Variants in SVOP observed in about 807,000 individuals in gnomAD.
SVOP encodes the protein synaptic vesicle 2-related protein.
A neutral mutation model predicts 69.1 loss-of-function variants in SVOP; 17 were observed. The observed-to-expected ratio is 0.25, with a 90% CI of 0.17 to 0.37. The LOEUF (loss-of-function observed/expected upper bound fraction) is 0.37. Among genes scored for constraint, SVOP ranks in the 10% least tolerant of loss-of-function variants. The pLI is 1.00. For missense variants in SVOP, 435 were observed against 597.5 expected (o/e 0.73, Z 2.84); for synonymous variants, 238 against 238.6 (o/e 1.00, Z 0.02).
chr12:108,925,774 T>C (rs2039776610), intron 11 of SVOP, among the ~76,000 whole-genome samples: 1 of 152,126 alleles, frequency 6.6e-6, no homozygotes, highest in Admixed American at 6.5e-5. Context: ...TGATCTCTCT[T>C]CCTGAATTGC....
At chr12:109,018,327 A>G (rs2040379501) in intron 1 of SVOP, among the ~76,000 whole-genome samples, 1 of 152,160 alleles carries the variant, frequency 6.6e-6, no homozygotes, top group Non-Finnish European at 1.5e-5. Context: ...TTGTGGTCTC[A>G]AATGAACCAC....
At chr12:108,989,256 T>C (rs932295323) in intron 1 of SVOP, among the ~76,000 whole-genome samples, 1 of 152,252 alleles carries the variant, frequency 6.6e-6, no homozygotes, top group Admixed American at 6.5e-5. Flanking sequence ...GTTTGTTTCG[T>C]AGAGACAGGG....
chr12:109,016,269 G>C (rs1449558438), intron 1 of SVOP, among the ~76,000 whole-genome samples: 1 of 152,202 alleles, frequency 6.6e-6, no homozygotes, highest in Admixed American at 6.5e-5. Context: ...CGGAGCCAGA[G>C]TTTGAACCCA....
Sources: allele counts gnomAD v4.1 joint callset (sites outside exome capture counted in the v4.1 genomes callset), GRCh38; gene constraint gnomAD v4.1.1; transcripts MANE v1.5; gene names NCBI Gene and HGNC (gene_info 2026-07-23, HGNC 2026-07-21).